The following SLC9C2 variants were observed in gnomAD, a reference collection of about 807,000 sequenced individuals.
SLC9C2 encodes the protein solute carrier family 9 member C2 (putative).
A neutral mutation model predicts 140.2 loss-of-function variants in SLC9C2; 75 were observed. That is an observed-to-expected ratio of 0.53 (90% CI 0.44 to 0.65). The LOEUF (loss-of-function observed/expected upper bound fraction) is 0.65. Among genes scored for constraint, SLC9C2 ranks in the 30% least tolerant of loss-of-function variants. The probability of loss-of-function intolerance (pLI) is 0.00; values close to 1 mark genes in which losing one functional copy is unlikely to be tolerated. For missense variants in SLC9C2, 1,074 were observed against 1,331.8 expected, an observed-to-expected ratio of 0.81 and a Z score of 3.01; for synonymous variants, 375 against 420.9, an observed-to-expected ratio of 0.89 and a Z score of 1.34.
At chr1:173,512,690 T>C (rs1231353640) in intron 23 of SLC9C2, among the ~76,000 whole-genome samples, 1 of 152,222 alleles carries the variant, frequency 6.6e-6, no homozygotes, top group Admixed American at 6.5e-5. Context: ...AATACTATGT[T>C]GAATAGAAGT....
At position 173,580,517 on chromosome 1, in the gene SLC9C2, A is replaced by T. The variant is rs1348433806; in HGVS notation, c.802+1330T>A. Among the ~76,000 whole-genome samples, 3 of 152,034 alleles carry T rather than the reference A, an allele frequency of 2.0e-5. No individual in the cohort carries two copies. In the East Asian group the frequency reaches 5.8e-4, roughly 29 times the overall value. ...CAGGCGTGCGCCAGCACACCTGGCT[A>T]ATTTTTTGAACTTTTAGTAGAGACA... On this transcript the variant is annotated intron_variant, in intron 7 of 27. Coordinates refer to ENST00000367714, the MANE Select transcript of SLC9C2 (RefSeq NM_178527.4).
chr1:173,554,872 C>T (rs1663563068), intron 10 of SLC9C2, 58 bp from the exon 11 acceptor site: 1 of 1,027,842 alleles, frequency 9.7e-7, no homozygotes, highest in Non-Finnish European at 1.5e-6. Flanking sequence ...TCTCCAAAAG[C>T]AATCATTGTT....
At chr1:173,576,846 T>C in intron 7 of SLC9C2, 86 bp from the exon 8 acceptor site, 1 of 849,860 alleles carries the variant, frequency 1.2e-6, no homozygotes, top group East Asian at 2.7e-5. Context: ...AAAGAATTGG[T>C]GGGAATCTTA....
intron 17 of SLC9C2, among the ~76,000 whole-genome samples, chr1:173,532,058 C>T (rs891299590): frequency 3.9e-5 from 6 of 152,072 alleles, no homozygotes; most frequent in Admixed American, 6.6e-5. Flanking sequence ...TAACTCTGAA[C>T]GGTAATTCTT....
chr1:173,579,103 G>A (rs1193639336), intron 7 of SLC9C2, among the ~76,000 whole-genome samples: 5 of 152,112 alleles, frequency 3.3e-5, no homozygotes. Flanking sequence ...TAAGCCTGAG[G>A]GGTTAATGCT....
Position 173,524,022 on chromosome 1 carries a change from G to A in SLC9C2, c.2587C>T (p.Leu863Phe). The change falls in exon 21 of 28, where the codon CTT becomes TTT. Residue 863 changes from leucine to phenylalanine, a missense_variant. By Grantham distance (22) the Leu-to-Phe change is conservative (BLOSUM62 0). Coordinates refer to ENST00000367714, the MANE Select transcript of SLC9C2 (RefSeq NM_178527.4). Reference protein sequence around the residue: ...AIPPPTPDIYLHNIIWLEGKD... With the variant: ...AIPPPTPDIYFHNIIWLEGKD... ...CCTTCCAGCCAAATGATGTTGTGAA[G>A]GTATATGTCAGGAGTTGGGGGTGGG... 1.2e-6 allele frequency: 2 copies of A among 1,613,662 alleles called. No homozygotes were observed. Among genetic ancestry groups the A allele is most frequent in the Non-Finnish European group, 1.7e-6 (2 of 1,179,818 alleles).
chr1:173,522,613 A>G (rs894140814), intron 21 of SLC9C2, among the ~76,000 whole-genome samples: 1 of 152,248 alleles, frequency 6.6e-6, no homozygotes, highest in Non-Finnish European at 1.5e-5. Flanking sequence ...ATACTAATAT[A>G]TTCATTGTGA....
intron 11 of SLC9C2, among the ~76,000 whole-genome samples, chr1:173,549,335 T>A (rs553676692): frequency 2.0e-5 from 3 of 152,218 alleles, no homozygotes; most frequent in Admixed American, 6.5e-5. Flanking sequence ...TGTAGGGATA[T>A]CCCTCTCAAA....
chr1:173,535,740 C>T lies in SLC9C2; in HGVS notation c.1775+90G>A, dbSNP rs568453869. 50 of 1,362,756 alleles carry T rather than the reference C, an allele frequency of 3.7e-5. No homozygotes were observed. In the South Asian group the frequency reaches 6.2e-4, roughly 17 times the overall value. The allele number at this position is 1,362,756 out of a possible 1,614,324, so 84.4% of individuals were successfully genotyped here. A position where few individuals can be genotyped will look rare whatever the true frequency, so the allele number is the denominator to read the frequency against. ...AAATAAACCATAATATAGTTTTTCT[C>T]AAATAAGGAAAATTGAGATAAGCTA... On this transcript the variant is annotated intron_variant, in intron 15 of 27. Transcript: ENST00000367714.
At chr1:173,594,293 A>C (rs1453202712) in intron 4 of SLC9C2, among the ~76,000 whole-genome samples, 1 of 152,224 alleles carries the variant, frequency 6.6e-6, no homozygotes, top group Non-Finnish European at 1.5e-5. Context: ...ATAGTTTCAC[A>C]TAGCTAGAAG....
Position 173,501,065 on chromosome 1 carries a change from A to G in SLC9C2, c.*29T>C. On this transcript the variant is annotated 3_prime_UTR_variant, in exon 28 of 28. Coordinates refer to ENST00000367714, the MANE Select transcript of SLC9C2 (RefSeq NM_178527.4). ...TCCACACATCATATTTGTATCATTA[A>G]TACCCTTTTCTAAAATGGTATCCAG... is the stretch of plus-strand genomic sequence containing the variant. 1 of 1,534,022 alleles carries G rather than the reference A, an allele frequency of 6.5e-7. No homozygotes were observed. The highest frequency in any genetic ancestry group is 8.8e-7 in the Non-Finnish European group (1 of 1,141,048).
At chr1:173,507,507 T>TGC (rs35607253) in intron 24 of SLC9C2, among the ~76,000 whole-genome samples, 16,324 of 135,170 alleles carry the variant, frequency 0.12, 1,102 homozygotes, top group East Asian at 0.44. Flanking sequence ...GGTTGAATTG[T>TGC]GCACACACAC....
chr1:173,509,525 G>A (rs1356477952), intron 24 of SLC9C2, 43 bp downstream of exon 24: 1 of 1,423,110 alleles, frequency 7.0e-7, no homozygotes, highest in Non-Finnish European at 9.3e-7. Context: ...AAAATACAAT[G>A]CATAAAAATT....
intron 7 of SLC9C2, among the ~76,000 whole-genome samples, chr1:173,577,476 A>G (rs1381540887): frequency 6.6e-6 from 1 of 152,218 alleles, no homozygotes; most frequent in Non-Finnish European, 1.5e-5. Flanking sequence ...TTTGAATACC[A>G]TAAATACTCT....
chr1:173,557,301 T>C (rs1663775506), intron 10 of SLC9C2, 39 bp downstream of exon 10: 1 of 1,571,226 alleles, frequency 6.4e-7, no homozygotes, highest in Non-Finnish European at 8.6e-7. Context: ...TAAGTAAAAA[T>C]GATAAATATG....
chr1:173,601,940 A>T (rs954051964), intron 1 of SLC9C2, 85 bp from the exon 2 acceptor site: 2 of 811,492 alleles, frequency 2.5e-6, no homozygotes, highest in African/African-American at 1.7e-5. Flanking sequence ...CCACACTCAG[A>T]TCTGAACATG....
rs116232017 is a variant in SLC9C2 at position 173,561,279 on chromosome 1, C to T, written c.1047-3771G>A. Among the ~76,000 whole-genome samples, 423 of 152,110 alleles carry T rather than the reference C, an allele frequency of 2.8e-3. 1 individual carries two copies. Among genetic ancestry groups the T allele is most frequent in the African/African-American group, 9.7e-3 (401 of 41,458 alleles). ...GTCCTATTGTATTCACACGGTCACT[C>T]CTTTTTAGAGAAAGAGATGTGGGGT... On this transcript the variant is annotated intron_variant, in intron 9 of 27. Transcript: ENST00000367714.
intron 9 of SLC9C2, among the ~76,000 whole-genome samples, chr1:173,561,554 T>C (rs764314412): frequency 2.6e-5 from 4 of 152,062 alleles, no homozygotes; most frequent in Non-Finnish European, 5.9e-5. Flanking sequence ...GGGGGGAAGC[T>C]TGTCAGAGAA....
chr1:173,594,262 T>G (rs1389054189), intron 4 of SLC9C2, among the ~76,000 whole-genome samples: 1 of 152,166 alleles, frequency 6.6e-6, no homozygotes, highest in Non-Finnish European at 1.5e-5. Context: ...AGGATGACTA[T>G]AGTTAACAGC....
Sources: gnomAD v4.1 joint callset for allele counts (sites outside exome capture counted in the v4.1 genomes callset) on GRCh38, gnomAD v4.1.1 for gene constraint, MANE v1.5 for transcripts, NCBI Gene and HGNC (gene_info 2026-07-23, HGNC 2026-07-21) for gene names.